PABPN1: variants seen among roughly 807,000 people sequenced by gnomAD.
PABPN1 encodes poly(A) binding protein nuclear 1.
A neutral mutation model predicts 33.4 loss-of-function variants in PABPN1; 5 were observed. The ratio of observed to expected loss-of-function variants is 0.15; its 90% CI spans 0.08 to 0.32. The LOEUF (loss-of-function observed/expected upper bound fraction) is 0.32, where lower values mean the gene tolerates loss of function less well. PABPN1 is among the 10% of genes least tolerant of loss of function. The pLI, the probability that PABPN1 is intolerant of heterozygous loss-of-function variation, is 1.00. For synonymous variants in PABPN1, 176 were observed against 170.6 expected (o/e 1.03, Z -0.25); for missense variants, 312 against 425.8 (o/e 0.73, Z 2.35).
rs1888729654 is a variant in PABPN1 at position 23,325,972 on chromosome 14, T to A, written c.*686T>A. 1 of 148,916 alleles carries A rather than the reference T, an allele frequency of 6.7e-6. No individual in the cohort carries two copies. Among genetic ancestry groups the A allele is most frequent in the South Asian group, 2.1e-4 (1 of 4,682 alleles). The allele number at this position is 148,916 out of a possible 1,614,324, so 9.2% of individuals were successfully genotyped here. On this transcript the variant is annotated 3_prime_UTR_variant, in exon 7 of 7. Transcript: ENST00000216727. ...TTTGGGGGGTTTAGGGGTGTTTTTGTTTTTCAGTTGTTTTGTTTTTTTGTT... is the reference window on the plus strand; with the variant it reads ...TTTGGGGGGTTTAGGGGTGTTTTTGATTTTCAGTTGTTTTGTTTTTTTGTT...
At chr14:23,324,757 C>T (rs770304012) in intron 6 of PABPN1, 110 of 267,106 alleles carry the variant, frequency 4.1e-4, no homozygotes, top group Non-Finnish European at 7.1e-4. Flanking sequence ...GATACTTATT[C>T]TTTATTTGAG....
Position 23,324,183 on chromosome 14 carries a change from C to A in PABPN1, c.775C>A (p.Arg259=), listed in dbSNP as rs748568880. 4.3e-6 allele frequency: 7 copies of A among 1,614,186 alleles called. No individual in the cohort carries two copies. Among genetic ancestry groups the A allele is most frequent in the Non-Finnish European group, 5.9e-6 (7 of 1,180,036 alleles). The change falls in exon 6 of 7, where the codon CGG becomes AGG. Residue 259 remains arginine (R), a synonymous_variant. Coordinates refer to ENST00000216727, the MANE Select transcript of PABPN1 (RefSeq NM_004643.4). The part of the protein sequence containing the change: ...TNRPGISTTD[R]GFPRARYRAR... ...CAGACCAGGCATCAGCACAACAGAC[C>A]GGGGTTTTCCACGAGCCCGCTACCG...
At chr14:23,323,166 G>T in intron 3 of PABPN1, 100 bp downstream of exon 3, 1 of 1,527,574 alleles carries the variant, frequency 6.5e-7, no homozygotes, top group Non-Finnish European at 9.0e-7. Context: ...ATGTGGTTTT[G>T]GGTGTGGAGG....
Position 23,325,937 on chromosome 14 carries a change from A to C in PABPN1, c.*651A>C, listed in dbSNP as rs2077053421. On this transcript the variant is annotated 3_prime_UTR_variant, in exon 7 of 7. Coordinates refer to ENST00000216727, the MANE Select transcript of PABPN1 (RefSeq NM_004643.4). ...ATTCCCCTTCCCCCTGGGGAAATGC[A>C]CTACCTTGTTTTGGGGGGTTTAGGG... 6.6e-6 allele frequency: 1 copy of C among 150,636 alleles called. No individual in the cohort carries two copies. Among genetic ancestry groups the C allele is most frequent in the Non-Finnish European group, 1.5e-5 (1 of 67,912 alleles). 9.3% of individuals were successfully genotyped at this position (150,636 alleles called of 1,614,324 possible). A position where few individuals can be genotyped will look rare whatever the true frequency, so the allele number is the denominator to read the frequency against.
At chr14:23,324,438 GT>G in intron 6 of PABPN1, 149 bp downstream of exon 6, 1 of 1,123,750 alleles carries the variant, frequency 8.9e-7, no homozygotes, top group Non-Finnish European at 1.3e-6. Flanking sequence ...GAGGAAGGTA[GT>G]TGCAGGCCAG....
Position 23,321,697 on chromosome 14 carries a change from GC to G in PABPN1, c.232del (p.Arg78AlafsTer59). The G allele has an allele frequency of 1.3e-6, 2 of 1,535,280 alleles. No homozygotes were observed. Among genetic ancestry groups the G allele is most frequent in the African/African-American group, 1.4e-5 (1 of 72,136 alleles). On this transcript the variant is annotated frameshift_variant, in exon 1 of 7. Coordinates refer to ENST00000216727, the MANE Select transcript of PABPN1 (RefSeq NM_004643.4). LOFTEE classifies it high-confidence loss of function. ...CCGAGCCCGAAGAGGAGCCGCCCCGGCCCCGCGCCCCCCCGGGAGCTCCGGG... is the reference window on the plus strand; with the variant it reads ...CCGAGCCCGAAGAGGAGCCGCCCCGGCCCGCGCCCCCCCGGGAGCTCCGGG... ...EPEPEEEPPR[P>X]RAPPGAPGPG...
rs769676403 is a variant in PABPN1, at chr14:23,325,701, TCTC to T, written c.*419_*421del. The T allele has an allele frequency of 1.7e-4, 30 of 171,886 alleles. 1 individual carries two copies. Among genetic ancestry groups the T allele is most frequent in the South Asian group, 1.5e-3 (12 of 7,744 alleles). The allele number at this position is 171,886 out of a possible 1,614,324, so 10.6% of individuals were successfully genotyped here. A position where few individuals can be genotyped will look rare whatever the true frequency, so the allele number is the denominator to read the frequency against. ...TCTGCTTGTTACCTTCCCTCCGTCT[TCTC>T]CTCGCCTTTCACAGTCCCCTCCTGC... On this transcript the variant is annotated 3_prime_UTR_variant, in exon 7 of 7. Transcript: ENST00000216727.
Position 23,325,364 on chromosome 14 carries a change from G to T in PABPN1, c.*78G>T. ...AAAAAAGAATTAAAAAAAAAAAAAA[G>T]AAAAACAGAAGATGACCTTGATGGA... On this transcript the variant is annotated 3_prime_UTR_variant, in exon 7 of 7. Coordinates refer to ENST00000216727, the MANE Select transcript of PABPN1 (RefSeq NM_004643.4). The T allele has an allele frequency of 8.1e-7, 1 of 1,233,338 alleles. No individual in the cohort carries two copies. Among genetic ancestry groups the T allele is most frequent in the Non-Finnish European group, 1.1e-6 (1 of 901,962 alleles). The allele number at this position is 1,233,338 out of a possible 1,614,324, so 76.4% of individuals were successfully genotyped here.
In PABPN1 at chr14:23,324,242, T is replaced by G. The variant is rs1888559038; in HGVS notation, c.834T>G (p.Ser278=). The G allele has an allele frequency of 1.9e-6, 3 of 1,614,092 alleles. No individual in the cohort carries two copies. The highest frequency in any genetic ancestry group is 2.5e-6 in the Non-Finnish European group (3 of 1,180,024). ...ARTTNYNSSR[S]RFYSGFNSRP... Reference sequence around the variant, plus strand: ...CCACCAACTACAACAGCTCCCGCTCTCGATTCTACAGTGGTTTTAACAGCA... The same window carrying G: ...CCACCAACTACAACAGCTCCCGCTCGCGATTCTACAGTGGTTTTAACAGCA... The change falls in exon 6 of 7, where the codon TCT becomes TCG. Residue 278 remains serine (S), a synonymous_variant. Transcript: ENST00000216727.
chr14:23,323,294 A>G, intron 3 of PABPN1, 83 bp from the exon 4 acceptor site: 1 of 1,438,992 alleles, frequency 6.9e-7, no homozygotes. Flanking sequence ...TTGGTGTATG[A>G]TGGCCCAGAC....
chr14:23,324,128 T>C lies in PABPN1; in HGVS notation c.730-10T>C. On this transcript the variant is annotated splice_polypyrimidine_tract_variant and intron_variant, in intron 5 of 6. Coordinates refer to ENST00000216727, the MANE Select transcript of PABPN1 (RefSeq NM_004643.4). ...CCTTTAAGGCTATCATTTGTTCATC[T>C]CTGACTCAGGTGATCCCAAAACGAA... is the stretch of plus-strand genomic sequence containing the variant. The C allele has an allele frequency of 6.2e-7, 1 of 1,614,210 alleles. No individual in the cohort carries two copies. The highest frequency in any genetic ancestry group is 8.5e-7 in the Non-Finnish European group (1 of 1,180,026).
At chr14:23,322,580 T>G in intron 2 of PABPN1, 2 of 492,064 alleles carry the variant, frequency 4.1e-6, no homozygotes, top group South Asian at 4.3e-5. Context: ...CGTGCTCGCA[T>G]TTGACCTTCA....
chr14:23,324,509 C>T, intron 6 of PABPN1: 1 of 626,290 alleles, frequency 1.6e-6, no homozygotes, highest in Admixed American at 2.9e-5. Context: ...GGGCTGCATC[C>T]CTCCCTTGGT....
At position 23,325,380 on chromosome 14, in the gene PABPN1, C is replaced by T. The variant is rs1395381336; in HGVS notation, c.*94C>T. On this transcript the variant is annotated 3_prime_UTR_variant, in exon 7 of 7. Transcript: ENST00000216727. Reference sequence around the variant, plus strand: ...AAAAAAAAAGAAAAACAGAAGATGACCTTGATGGAAAAAAAATATTTTTTA... The same window carrying T: ...AAAAAAAAAGAAAAACAGAAGATGATCTTGATGGAAAAAAAATATTTTTTA... 2 of 1,409,328 alleles carry T rather than the reference C, an allele frequency of 1.4e-6. No homozygotes were observed. The highest frequency in any genetic ancestry group is 1.9e-6 in the Non-Finnish European group (2 of 1,048,216). The allele number at this position is 1,409,328 out of a possible 1,614,324, so 87.3% of individuals were successfully genotyped here.
At chr14:23,325,129 T>C in intron 6 of PABPN1, 118 bp from the exon 7 acceptor site, 1 of 1,449,236 alleles carries the variant, frequency 6.9e-7, no homozygotes. Flanking sequence ...TTAGGACACT[T>C]GAACACTTCT....
rs770139042 is a variant in PABPN1 at position 23,324,184 on chromosome 14, G to A, written c.776G>A (p.Arg259Gln). 3 of 1,614,172 alleles carry A rather than the reference G, an allele frequency of 1.9e-6. No individual in the cohort carries two copies. The highest frequency in any genetic ancestry group is 8.5e-7 in the Non-Finnish European group (1 of 1,180,036). Residue 259 changes from arginine (R) to glutamine (Q), a missense_variant, in exon 6 of 7, where the codon CGG becomes CAG. By Grantham distance (43) the Arg-to-Gln change is conservative. Transcript: ENST00000216727. ...AGACCAGGCATCAGCACAACAGACCGGGGTTTTCCACGAGCCCGCTACCGC... is the reference window on the plus strand; with the variant it reads ...AGACCAGGCATCAGCACAACAGACCAGGGTTTTCCACGAGCCCGCTACCGC... ...TNRPGISTTD[R>Q]GFPRARYRAR...
In PABPN1 at chr14:23,321,684, A is replaced by T. The variant is rs935460519; in HGVS notation, c.215A>T (p.Glu72Val). The part of the protein sequence containing the change: ...LEPEPEPEPE[E>V]EPPRPRAPPG... Reference sequence around the variant, plus strand: ...CCCGAGCCGGAGCCCGAGCCCGAAGAGGAGCCGCCCCGGCCCCGCGCCCCC... The same window carrying T: ...CCCGAGCCGGAGCCCGAGCCCGAAGTGGAGCCGCCCCGGCCCCGCGCCCCC... The change falls in exon 1 of 7, where the codon GAG becomes GTG. Residue 72 changes from glutamate to valine, a missense_variant. Physicochemically the swap from Glu to Val is moderately radical, Grantham distance 121. Transcript: ENST00000216727. The T allele has an allele frequency of 1.3e-6, 2 of 1,523,564 alleles. No homozygotes were observed. The highest frequency in any genetic ancestry group is 3.9e-5 in the Admixed American group (2 of 50,810). 94.4% of individuals were successfully genotyped at this position (1,523,564 alleles called of 1,614,324 possible). A position where few individuals can be genotyped will look rare whatever the true frequency, so the allele number is the denominator to read the frequency against.
At chr14:23,325,049 C>A in intron 6 of PABPN1, 198 bp from the exon 7 acceptor site, 1 of 620,258 alleles carries the variant, frequency 1.6e-6, no homozygotes, top group Non-Finnish European at 2.6e-6. Context: ...TGGCAGTTTT[C>A]TGTTAAGCCC....
At chr14:23,324,091 C>G (rs1233285715) in intron 5 of PABPN1, 39 bp downstream of exon 5, 1 of 1,614,134 alleles carries the variant, frequency 6.2e-7, no homozygotes, top group African/African-American at 1.3e-5. Context: ...TGTGTATAAA[C>G]TCTCCAGGTT....
Sources: allele counts gnomAD v4.1 joint callset, GRCh38; gene constraint gnomAD v4.1.1; transcripts MANE v1.5; gene names NCBI Gene and HGNC (gene_info 2026-07-23, HGNC 2026-07-21).